SIK3: variants seen among roughly 807,000 people sequenced by gnomAD.
SIK3 encodes the protein serine/threonine-protein kinase SIK3.
Under a neutral mutation model 144.2 loss-of-function variants are expected in SIK3, and 28 were observed. The ratio of observed to expected loss-of-function variants is 0.19; its 90% CI spans 0.14 to 0.27. The LOEUF (loss-of-function observed/expected upper bound fraction) is 0.27. Among genes scored for constraint, SIK3 ranks in the 10% least tolerant of loss-of-function variants. The pLI, the probability that SIK3 is intolerant of heterozygous loss-of-function variation, is 1.00. For synonymous variants in SIK3, 686 were observed against 676.3 expected, an observed-to-expected ratio of 1.01 and a Z score of -0.22; for missense variants, 1,319 against 1,776.0, an observed-to-expected ratio of 0.74 and a Z score of 4.62.
rs572736734 is a variant in SIK3, at chr11:116,916,745, C to T, written c.616+10474G>A. On this transcript the variant is annotated intron_variant, in intron 4 of 24. Coordinates refer to ENST00000445177, the MANE Select transcript of SIK3 (RefSeq NM_001366686.3). ...CAGGATGGTCTCGATCTCCTGACCT[C>T]GTGATCCGCCCGCCTCGGCCTCCCA... Among the ~76,000 whole-genome samples the T allele has an allele frequency of 5.9e-3, 895 of 150,720 alleles. 6 individuals carry two copies. Among genetic ancestry groups the T allele is most frequent in the African/African-American group, 0.02 (820 of 41,116 alleles).
intron 4 of SIK3, among the ~76,000 whole-genome samples, chr11:116,915,153 T>TGTGTGTGTGTGTGTGCGTGCGC (rs1182331838): frequency 6.7e-6 from 1 of 149,096 alleles, no homozygotes; most frequent in African/African-American, 2.5e-5. Context: ...TGTGTGTGTG[T>TGTGTGTGTGTGTGTGCGTGCGC]GTGTGTGTAT....
intron 1 of SIK3, among the ~76,000 whole-genome samples, chr11:117,004,678 A>C (rs963444111): frequency 6.6e-6 from 1 of 152,208 alleles, no homozygotes; most frequent in African/African-American, 2.4e-5. Context: ...CTTTCCTTCA[A>C]ATCTTACAAG....
At chr11:117,097,264 G>T (rs567879688) in intron 1 of SIK3, among the ~76,000 whole-genome samples, 2 of 152,054 alleles carry the variant, frequency 1.3e-5, no homozygotes, top group Non-Finnish European at 2.9e-5. Flanking sequence ...TAATCTCCCG[G>T]TGTCTGGGTT....
At chr11:116,877,957 G>C (rs1944342570) in intron 6 of SIK3, among the ~76,000 whole-genome samples, 1 of 152,106 alleles carries the variant, frequency 6.6e-6, no homozygotes, top group African/African-American at 2.4e-5. Flanking sequence ...CCCATTTTAG[G>C]AATAGCAAAA....
chr11:116,992,377 T>C (rs2135563681), intron 1 of SIK3, among the ~76,000 whole-genome samples: 1 of 150,094 alleles, frequency 6.7e-6, no homozygotes, highest in South Asian at 2.1e-4. Flanking sequence ...AAGGCATTTA[T>C]ATAGCAATTC....
At chr11:116,875,561 GT>G in intron 9 of SIK3, 110 bp from the exon 10 acceptor site, 6 of 1,272,928 alleles carry the variant, frequency 4.7e-6, no homozygotes, top group South Asian at 1.4e-5. Flanking sequence ...GATTACTAAA[GT>G]TTTTGGTTCA....
chr11:117,055,548 G>A (rs1591622025), intron 1 of SIK3, among the ~76,000 whole-genome samples: 1 of 152,216 alleles, frequency 6.6e-6, no homozygotes, highest in African/African-American at 2.4e-5. Flanking sequence ...TGGGGCTACA[G>A]GTGGGTTGGA....
At chr11:116,857,568 G>T in intron 21 of SIK3, 1 of 566,334 alleles carries the variant, frequency 1.8e-6, no homozygotes, top group Non-Finnish European at 2.9e-6. Context: ...TATGAATAAG[G>T]GAAATGGATC....
At chr11:117,012,983 C>T (rs1433442112) in intron 1 of SIK3, among the ~76,000 whole-genome samples, 1 of 151,392 alleles carries the variant, frequency 6.6e-6, no homozygotes, top group Non-Finnish European at 1.5e-5. Flanking sequence ...TCCCGAGTAG[C>T]TGGGACTACA....
chr11:116,891,571 C>A (rs1473142124), intron 6 of SIK3, among the ~76,000 whole-genome samples: 1 of 152,102 alleles, frequency 6.6e-6, no homozygotes, highest in African/African-American at 2.4e-5. Context: ...GCTTTGCCAC[C>A]TTATGGAGTA....
In SIK3 at chr11:116,913,993, CT is replaced by C. The variant is rs951420406; in HGVS notation, c.616+13225del. 4.2e-4 allele frequency among the ~76,000 whole-genome samples: 64 copies of C among 151,978 alleles called. 1 individual carries two copies. The highest frequency in any genetic ancestry group is 1.0e-3 in the South Asian group (5 of 4,830). ...ATATGGTCTGATAAGCAGAAGCCTACTTTTAGAGAAAAGAAGATAGGATTGT... is the reference window on the plus strand; with the variant it reads ...ATATGGTCTGATAAGCAGAAGCCTACTTTAGAGAAAAGAAGATAGGATTGT... On this transcript the variant is annotated intron_variant, in intron 4 of 24. Coordinates refer to ENST00000445177, the MANE Select transcript of SIK3 (RefSeq NM_001366686.3).
intron 1 of SIK3, among the ~76,000 whole-genome samples, chr11:116,959,653 C>G (rs1359238194): frequency 6.6e-6 from 1 of 152,150 alleles, no homozygotes; most frequent in East Asian, 1.9e-4. Context: ...TCACAAGGCA[C>G]TCACTCTAAA....
chr11:116,876,434 T>C, intron 7 of SIK3, 71 bp from the exon 8 acceptor site: 3 of 1,232,030 alleles, frequency 2.4e-6, no homozygotes, highest in Non-Finnish European at 3.6e-6. Flanking sequence ...GCATATATAA[T>C]GACCAACCTG....
rs767272271 is a variant in SIK3, at chr11:117,098,164, C to A, written c.252G>T (p.Thr84=). The A allele has an allele frequency of 2.0e-6, 3 of 1,512,996 alleles. No homozygotes were observed. The highest frequency in any genetic ancestry group is 2.7e-6 in the Non-Finnish European group (3 of 1,129,576). 93.7% of individuals were successfully genotyped at this position (1,512,996 alleles called of 1,614,324 possible). Residue 84 remains threonine (T), a synonymous_variant, in exon 1 of 25, where the codon ACG becomes ACT. Coordinates refer to ENST00000445177, the MANE Select transcript of SIK3 (RefSeq NM_001366686.3). ...GTACCTTGGCCTTGGTGACGAGGTG[C>A]GTGGCCCGCTTGACCACCGCGAAGT... is the stretch of plus-strand genomic sequence containing the variant. ...KGNFAVVKRA[T]HLVTKAKVAI... is the part of the protein sequence containing the mutation.
chr11:116,938,600 G>C (rs1414063875), intron 3 of SIK3, among the ~76,000 whole-genome samples: 11 of 55,226 alleles, frequency 2.0e-4, no homozygotes, highest in East Asian at 5.3e-4. Context: ...GGAGAGGGGA[G>C]GAGAGGAGAG....
At chr11:116,911,753 T>C (rs1395953291) in intron 4 of SIK3, among the ~76,000 whole-genome samples, 1 of 152,232 alleles carries the variant, frequency 6.6e-6, no homozygotes, top group African/African-American at 2.4e-5. Context: ...ATAAAGACTT[T>C]AAGACATCAT....
At chr11:117,016,351 A>G (rs1591541309) in intron 1 of SIK3, among the ~76,000 whole-genome samples, 1 of 82,986 alleles carries the variant, frequency 1.2e-5, no homozygotes, top group African/African-American at 4.9e-5. Flanking sequence ...GGAAGGAGGG[A>G]GGGAGGGAGG....
rs977530771 is a variant in SIK3 at position 116,873,909 on chromosome 11, C to T, written c.1575G>A (p.Glu525=). 2 of 1,611,912 alleles carry T rather than the reference C, an allele frequency of 1.2e-6. No homozygotes were observed. Among genetic ancestry groups the T allele is most frequent in the African/African-American group, 2.7e-5 (2 of 74,796 alleles). The change falls in exon 12 of 25, where the codon GAG becomes GAA. Residue 525 remains glutamate, a synonymous_variant. Coordinates refer to ENST00000445177, the MANE Select transcript of SIK3 (RefSeq NM_001366686.3). The part of the protein sequence containing the change: ...MQNLQPTGQL[E]YKEQSLLQPP... ...CTCTTCCATGTCTAGGTACCTTGTA[C>T]TCAAGTTGCCCGGTTGGTTGCAAGT...
intron 5 of SIK3, 31 bp downstream of exon 5, chr11:116,897,162 C>CTG: frequency 6.2e-7 from 1 of 1,608,408 alleles, no homozygotes; most frequent in Non-Finnish European, 8.5e-7. Flanking sequence ...GTAGCTAATG[C>CTG]TGTGGGGTAT....
Sources: allele counts gnomAD v4.1 joint callset (sites outside exome capture counted in the v4.1 genomes callset), GRCh38; gene constraint gnomAD v4.1.1; transcripts MANE v1.5; gene names NCBI Gene and HGNC (gene_info 2026-07-23, HGNC 2026-07-21).